FRMPD4: variants seen among roughly 807,000 people sequenced by gnomAD.
FRMPD4 encodes FERM and PDZ domain-containing protein 4.
FRMPD4 carries 22 observed loss-of-function variants against 94.1 expected under a neutral mutation model. The ratio of observed to expected loss-of-function variants is 0.23; its 90% CI spans 0.17 to 0.33. The LOEUF (loss-of-function observed/expected upper bound fraction) is 0.33, where lower values mean the gene tolerates loss of function less well. Ranked by LOEUF, FRMPD4 falls within the 10% of genes least tolerant of loss-of-function variation. FRMPD4 has a pLI of 1.00. For missense variants in FRMPD4, 1,111 were observed against 1,339.9 expected, an observed-to-expected ratio of 0.83 and a Z score of 2.67; for synonymous variants, 631 against 548.6, an observed-to-expected ratio of 1.15 and a Z score of -2.10.
intron 1 of FRMPD4, among the ~76,000 whole-genome samples, chrX:12,399,266 T>C (rs939604774): frequency 7.1e-4 from 79 of 111,986 alleles, no homozygotes; most frequent in African/African-American, 2.4e-3. Flanking sequence ...CTTAGGGCAG[T>C]TCCAGGCACA....
intron 3 of FRMPD4, among the ~76,000 whole-genome samples, chrX:12,077,903 T>A (rs2055033148): frequency 8.9e-6 from 1 of 112,034 alleles, no homozygotes; most frequent in African/African-American, 3.2e-5. Flanking sequence ...TACTGCAATT[T>A]TAGTGGCTTA....
intron 1 of FRMPD4, among the ~76,000 whole-genome samples, chrX:11,827,672 T>C (rs1013298624): frequency 6.3e-5 from 7 of 111,906 alleles, no homozygotes; most frequent in Admixed American, 1.9e-4. Context: ...TTTAAGGGAA[T>C]CAAAAAGCTG....
intron 1 of FRMPD4, among the ~76,000 whole-genome samples, chrX:12,316,964 G>A (rs1385978240): frequency 2.7e-5 from 3 of 111,694 alleles, no homozygotes; most frequent in African/African-American, 9.7e-5. Context: ...TAGTAAAATC[G>A]TTAAAATTTA....
chrX:12,713,520 C>A (rs916828078), intron 14 of FRMPD4, among the ~76,000 whole-genome samples: 2 of 109,684 alleles, frequency 1.8e-5, no homozygotes, highest in African/African-American at 6.7e-5. Context: ...GAGAGAGAAG[C>A]GAGGATAACA....
chrX:12,050,963 A>T (rs1474778174), intron 3 of FRMPD4, among the ~76,000 whole-genome samples: 1 of 111,908 alleles, frequency 8.9e-6, no homozygotes, highest in Non-Finnish European at 1.9e-5. Context: ...ATACATTACT[A>T]CAATGAAACA....
At chrX:11,952,049 T>C (rs941668008) in intron 3 of FRMPD4, among the ~76,000 whole-genome samples, 7 of 112,033 alleles carry the variant, frequency 6.2e-5, no homozygotes, top group Admixed American at 9.4e-5. Context: ...AATAAATAAA[T>C]ACATACGTAC....
chrX:12,479,393 T>C (rs1157713988), intron 1 of FRMPD4, among the ~76,000 whole-genome samples: 1 of 102,435 alleles, frequency 9.8e-6, no homozygotes, highest in Non-Finnish European at 2.0e-5. Context: ...CATATATATA[T>C]ACATATATAC....
intron 1 of FRMPD4, among the ~76,000 whole-genome samples, chrX:12,164,411 C>T (rs2056078914): frequency 8.9e-6 from 1 of 112,266 alleles, no homozygotes. Context: ...TATTCCATGG[C>T]ATATATGTGT....
intron 1 of FRMPD4, among the ~76,000 whole-genome samples, chrX:12,441,441 GTTTT>G (rs911060033): frequency 6.3e-5 from 7 of 111,071 alleles, no homozygotes; most frequent in African/African-American, 2.3e-4. Flanking sequence ...TCATTTGTTT[GTTTT>G]TTTTCCCCCT....
intron 1 of FRMPD4, among the ~76,000 whole-genome samples, chrX:11,848,406 G>T (rs1285028172): frequency 9.0e-6 from 1 of 111,361 alleles, no homozygotes; most frequent in Non-Finnish European, 1.9e-5. Flanking sequence ...TCAGAAAGTT[G>T]TGCTTAAATC....
intron 1 of FRMPD4, among the ~76,000 whole-genome samples, chrX:11,857,579 G>A (rs2147295108): frequency 8.9e-6 from 1 of 112,711 alleles, no homozygotes; most frequent in East Asian, 2.8e-4. Context: ...AGACTTAAAT[G>A]GAAAACTGAA....
intron 2 of FRMPD4, among the ~76,000 whole-genome samples, chrX:12,508,063 A>G (rs1203836030): frequency 8.9e-6 from 1 of 112,460 alleles, no homozygotes; most frequent in African/African-American, 3.2e-5. Context: ...CTAATGGTCG[A>G]CAGAAAAACA....
chrX:12,410,480 C>T (rs769797351), intron 1 of FRMPD4, among the ~76,000 whole-genome samples: 8 of 111,113 alleles, frequency 7.2e-5, no homozygotes, highest in Non-Finnish European at 1.3e-4. Context: ...TGAGAGATAA[C>T]CACTTTGCAC....
intron 1 of FRMPD4, among the ~76,000 whole-genome samples, chrX:12,480,389 T>A (rs2057667365): frequency 9.2e-6 from 1 of 108,694 alleles, no homozygotes; most frequent in African/African-American, 3.3e-5. Context: ...TTTTGCCTCT[T>A]TTCTCTCCTA....
chrX:11,837,884 TG>T (rs1375432139), intron 1 of FRMPD4, among the ~76,000 whole-genome samples: 12 of 111,396 alleles, frequency 1.1e-4, no homozygotes, highest in Non-Finnish European at 2.3e-4. Context: ...AAAGCAAATA[TG>T]TTCACTTCAA....
chrX:12,090,296 T>C (rs2147495382), intron 3 of FRMPD4, among the ~76,000 whole-genome samples: 1 of 109,876 alleles, frequency 9.1e-6, no homozygotes, highest in East Asian at 2.9e-4. Context: ...CACCTCTCTC[T>C]CTTGCTCCTG....
chrX:12,055,657 G>C (rs2054849911), intron 3 of FRMPD4, among the ~76,000 whole-genome samples: 1 of 111,733 alleles, frequency 8.9e-6, no homozygotes, highest in Admixed American at 9.5e-5. Context: ...CTAACATGTG[G>C]CTAGAGGAAA....
intron 1 of FRMPD4, among the ~76,000 whole-genome samples, chrX:12,310,676 A>G (rs187388334): frequency 1.1e-4 from 12 of 112,350 alleles, no homozygotes; most frequent in East Asian, 2.8e-4. Context: ...CCCCAATCCA[A>G]TGCAGCCAGG....
At chrX:12,663,643 C>G (rs1272067315) in intron 4 of FRMPD4, among the ~76,000 whole-genome samples, 1 of 111,917 alleles carries the variant, frequency 8.9e-6, no homozygotes, top group Non-Finnish European at 1.9e-5. Context: ...CATGACGCCT[C>G]CAGCTTTGCT....
Sources: allele counts gnomAD v4.1 joint callset (sites outside exome capture counted in the v4.1 genomes callset), GRCh38; gene constraint gnomAD v4.1.1; transcripts MANE v1.5; gene names NCBI Gene and HGNC (gene_info 2026-07-23, HGNC 2026-07-21).